Variants in PLCB2 observed in about 807,000 individuals in gnomAD.
The protein encoded by PLCB2 is 1-phosphatidylinositol 4,5-bisphosphate phosphodiesterase beta-2.
In PLCB2, 115 loss-of-function variants were observed where a neutral mutation model predicts 141.7. The observed-to-expected ratio is 0.81, with a 90% CI of 0.70 to 0.95. The LOEUF (loss-of-function observed/expected upper bound fraction) is 0.95. PLCB2 is among the 40% of genes least tolerant of loss of function. PLCB2 has a pLI of 0.00. For synonymous variants in PLCB2, 603 were observed against 595.6 expected (o/e 1.01, Z -0.18); for missense variants, 1,403 against 1,541.1 (o/e 0.91, Z 1.50).
At position 40,288,007 on chromosome 15, in the gene PLCB2, G is replaced by T; in HGVS notation, c.*708C>A. The T allele has an allele frequency of 1.0e-6, 1 of 985,266 alleles. No individual in the cohort carries two copies. Among genetic ancestry groups the T allele is most frequent in the Non-Finnish European group, 1.2e-6 (1 of 829,760 alleles). The allele number at this position is 985,266 out of a possible 1,614,324, so 61.0% of individuals were successfully genotyped here. A position where few individuals can be genotyped will look rare whatever the true frequency, so the allele number is the denominator to read the frequency against. ...TGATGCTGACCTTGTCAGGCAGGCA[G>T]CCTGAGAGGGGTACATGGTAGGAAC... On this transcript the variant is annotated 3_prime_UTR_variant, in exon 32 of 32. Transcript: ENST00000260402.
chr15:40,290,009 C>A lies in PLCB2; in HGVS notation c.3267+16G>T. On this transcript the variant is annotated intron_variant, in intron 30 of 31. Transcript: ENST00000260402. Reference sequence around the variant, plus strand: ...TGTGTGTGTGTGTGTTTAGGAAGGACACAGCCCTTACACACCTGCTTGATC... The same window carrying A: ...TGTGTGTGTGTGTGTTTAGGAAGGAAACAGCCCTTACACACCTGCTTGATC... 7.0e-7 allele frequency: 1 copy of A among 1,434,408 alleles called. No individual in the cohort carries two copies. Among genetic ancestry groups the A allele is most frequent in the Non-Finnish European group, 9.8e-7 (1 of 1,017,396 alleles). The allele number at this position is 1,434,408 out of a possible 1,614,324, so 88.9% of individuals were successfully genotyped here.
intron 19 of PLCB2, 147 bp from the exon 20 acceptor site, chr15:40,293,871 G>T: frequency 2.7e-6 from 2 of 754,538 alleles, no homozygotes; most frequent in Non-Finnish European, 4.2e-6. Flanking sequence ...GAGTAGAGAG[G>T]CTGTGTAGCC....
intron 3 of PLCB2, among the ~76,000 whole-genome samples, chr15:40,303,061 C>T (rs1190621844): frequency 4.6e-5 from 7 of 152,332 alleles, no homozygotes; most frequent in Non-Finnish European, 1.0e-4. Context: ...CCTCCCAGAT[C>T]CCTGCCATCT....
In PLCB2 at chr15:40,302,312, G is replaced by A. The variant is rs971055262; in HGVS notation, c.410C>T (p.Pro137Leu). 5.0e-6 allele frequency: 8 copies of A among 1,614,016 alleles called. No individual in the cohort carries two copies. Among genetic ancestry groups the A allele is most frequent in the African/African-American group, 2.7e-5 (2 of 74,900 alleles). Residue 137 changes from proline (P) to leucine (L), a missense_variant, in exon 5 of 32, where the codon CCG becomes CTG. By Grantham distance (98) the Pro-to-Leu change is moderately conservative. Transcript: ENST00000260402. Reference protein sequence around the residue: ...AEDVLALVKHPLTANASRSTF... With the variant: ...AEDVLALVKHLLTANASRSTF... The stretch of plus-strand genomic sequence containing the variant: ...GCTGCGGGAGGCGTTGGCCGTCAGC[G>A]GATGTTTGACTAGGGCCAGTACGTC...
intron 7 of PLCB2, chr15:40,301,525 A>G (rs769489563): frequency 7.1e-6 from 5 of 702,942 alleles, no homozygotes; most frequent in Non-Finnish European, 1.3e-5. Context: ...CCTTTGGTTC[A>G]GTTCCTCTCC....
chr15:40,298,715 G>A lies in PLCB2; in HGVS notation c.851-7C>T, dbSNP rs766455823. On this transcript the variant is annotated splice_polypyrimidine_tract_variant and splice_region_variant and intron_variant, in intron 9 of 31. Coordinates refer to ENST00000260402, the MANE Select transcript of PLCB2 (RefSeq NM_004573.3). ...CCTTCAGGTGACAGCTGGCCTGGGG[G>A]ACAGGAGATAGCTGTCAGGCTACAA... 5.0e-6 allele frequency: 8 copies of A among 1,613,836 alleles called. No homozygotes were observed. The Admixed American group carries it at 5.0e-5, about 10-fold the overall frequency.
Position 40,297,965 on chromosome 15 carries a change from G to A in PLCB2, c.1156-6C>T, listed in dbSNP as rs1380631080. 1 of 1,590,926 alleles carries A rather than the reference G, an allele frequency of 6.3e-7. No individual in the cohort carries two copies. Among genetic ancestry groups the A allele is most frequent in the Non-Finnish European group, 8.6e-7 (1 of 1,159,498 alleles). On this transcript the variant is annotated splice_polypyrimidine_tract_variant and splice_region_variant and intron_variant, in intron 11 of 31. Transcript: ENST00000260402. The surrounding 1 kb of genome is among the most constrained non-coding windows in gnomAD (Gnocchi z 4.2). ...GCAATAGCCTCAATTGCTTCCTGGAGGAGAAGGAGACTCCATGAACAGAAG... is the reference window on the plus strand; with the variant it reads ...GCAATAGCCTCAATTGCTTCCTGGAAGAGAAGGAGACTCCATGAACAGAAG...
intron 26 of PLCB2, 25 bp downstream of exon 26, chr15:40,291,240 G>A (rs1198254550): frequency 7.0e-6 from 11 of 1,573,494 alleles, no homozygotes; most frequent in African/African-American, 1.3e-5. Context: ...CGCTGCAGAG[G>A]GCAGGGCACC....
Position 40,297,763 on chromosome 15 carries a change from C to A in PLCB2, c.1238+114G>T. 1.0e-6 allele frequency: 1 copy of A among 968,346 alleles called. No individual in the cohort carries two copies. Among genetic ancestry groups the A allele is most frequent in the South Asian group, 1.4e-5 (1 of 69,960 alleles). 60.0% of individuals were successfully genotyped at this position (968,346 alleles called of 1,614,324 possible). ...AGGCCTTAGGGTGATTATACTGAGA[C>A]GTGGGAGAAGCTGTAGGCAATGGTT... On this transcript the variant is annotated intron_variant, in intron 12 of 31. Coordinates refer to ENST00000260402, the MANE Select transcript of PLCB2 (RefSeq NM_004573.3). This position sits in a 1 kb window ranked among gnomAD's most constrained non-coding sequence, Gnocchi z 4.2.
In PLCB2 at chr15:40,297,903, G is replaced by C; in HGVS notation, c.1212C>G (p.Ile404Met). The change falls in exon 12 of 32, where the codon ATC (isoleucine) becomes ATG (methionine). Residue 404 changes from isoleucine to methionine, a missense_variant. Physicochemically the swap from Ile to Met is conservative, Grantham distance 10. Transcript: ENST00000260402. The surrounding 1 kb of genome is among the most constrained non-coding windows in gnomAD (Gnocchi z 4.2). ...SAFKTSPYPI[I>M]LSFENHVDSP... ...AGTCCACATGGTTCTCAAACGACAG[G>C]ATGATGGGATAGGGGGAGGTCTTAA... 6.2e-7 allele frequency: 1 copy of C among 1,613,770 alleles called. No homozygotes were observed. The highest frequency in any genetic ancestry group is 1.1e-5 in the South Asian group (1 of 91,066).
chr15:40,296,690 C>T (rs1393645618), intron 14 of PLCB2, 56 bp from the exon 15 acceptor site: 1 of 1,610,638 alleles, frequency 6.2e-7, no homozygotes, highest in Non-Finnish European at 8.5e-7. Context: ...CAGGTCCAGC[C>T]CCTCTCCTGT....
chr15:40,285,803 C>T (rs1168073238), downstream of PLCB2: 23 of 985,380 alleles, frequency 2.3e-5, no homozygotes, highest in Non-Finnish European at 2.4e-5. Flanking sequence ...CTCACACCCC[C>T]CCAGGTGGAG....
At chr15:40,284,333 A>G (rs528230609), downstream of PLCB2, 183 of 333,948 alleles carry the variant, frequency 5.5e-4, 1 homozygote, top group South Asian at 3.9e-3. Flanking sequence ...GAGAGACAGA[A>G]TCTCGGTTCT....
chr15:40,291,140 C>T lies in PLCB2; in HGVS notation c.2914G>A (p.Gly972Ser). 1 of 1,572,060 alleles carries T rather than the reference C, an allele frequency of 6.4e-7. No homozygotes were observed. Among genetic ancestry groups the T allele is most frequent in the Non-Finnish European group, 8.6e-7 (1 of 1,166,822 alleles). The change falls in exon 27 of 32, where the codon GGC (glycine) becomes AGC (serine). Residue 972 changes from glycine (G) to serine (S), a missense_variant. This residue lies in a region of PLCB2 where 290 missense variants were observed against 245.9 expected (regional missense o/e 1.18). Coordinates refer to ENST00000260402, the MANE Select transcript of PLCB2 (RefSeq NM_004573.3). Reference protein sequence around the residue: ...EESAGAAPGEGPEGVDGRVRE... With the variant: ...EESAGAAPGESPEGVDGRVRE... ...ACGCGCCCGTCCACGCCCTCAGGGC[C>T]CTCGCCCGGCGCGGCTCCGGCGCTC...
intron 19 of PLCB2, 146 bp from the exon 20 acceptor site, chr15:40,293,870 G>A (rs2040059709): frequency 2.7e-6 from 2 of 751,910 alleles, no homozygotes; most frequent in African/African-American, 1.8e-5. Flanking sequence ...TGAGTAGAGA[G>A]GCTGTGTAGC....
chr15:40,297,659 A>G lies in PLCB2; in HGVS notation c.1239-54T>C. On this transcript the variant is annotated intron_variant, in intron 12 of 31. Coordinates refer to ENST00000260402, the MANE Select transcript of PLCB2 (RefSeq NM_004573.3). This position sits in a 1 kb window ranked among gnomAD's most constrained non-coding sequence, Gnocchi z 4.2. ...TCAGCCGCTCAGCACCAACCCTATT[A>G]TGCATCCTTTTGTGCCCTTGATGAC... 2 of 1,447,442 alleles carry G rather than the reference A, an allele frequency of 1.4e-6. No homozygotes were observed. Among genetic ancestry groups the G allele is most frequent in the Non-Finnish European group, 1.9e-6 (2 of 1,031,954 alleles). 89.7% of individuals were successfully genotyped at this position (1,447,442 alleles called of 1,614,324 possible).
intron 7 of PLCB2, chr15:40,300,601 A>G (rs1274902451): frequency 1.3e-5 from 2 of 152,270 alleles, no homozygotes; most frequent in African/African-American, 4.8e-5. Context: ...GTACTCATGC[A>G]TGCTACAACA....
chr15:40,291,833 G>C lies in PLCB2; in HGVS notation c.2602+16C>G, dbSNP rs2039950202. ...GTGGAGGTGCCCCCAGTAGGTGTGC[G>C]GACCGAAGCTCATACCTGGTGACCC... On this transcript the variant is annotated intron_variant, in intron 24 of 31. Coordinates refer to ENST00000260402, the MANE Select transcript of PLCB2 (RefSeq NM_004573.3). 4 of 1,614,058 alleles carry C rather than the reference G, an allele frequency of 2.5e-6. No individual in the cohort carries two copies. In the East Asian group the frequency reaches 8.9e-5, roughly 36 times the overall value.
intron 1 of PLCB2, 47 bp from the exon 2 acceptor site, chr15:40,304,125 G>T: frequency 1.5e-6 from 2 of 1,356,914 alleles, no homozygotes; most frequent in Non-Finnish European, 1.0e-6. Flanking sequence ...CTCAGGCCAA[G>T]CCTCCCTGGT....
Sources: gnomAD v4.1 joint callset for allele counts (sites outside exome capture counted in the v4.1 genomes callset) on GRCh38, gnomAD v4.1.1 for gene constraint, gnomAD v4.1.1 regional missense constraint, Gnocchi (gnomAD v3.1) non-coding constraint, MANE v1.5 for transcripts, NCBI Gene and HGNC (gene_info 2026-07-23, HGNC 2026-07-21) for gene names.